Variants in APOB observed in about 807,000 individuals in gnomAD.
APOB encodes the protein apolipoprotein B-100.
APOB carries 153 observed loss-of-function variants against 314.1 expected under a neutral mutation model. That is an observed-to-expected ratio of 0.49 (90% CI 0.43 to 0.56). The LOEUF (loss-of-function observed/expected upper bound fraction) is 0.56, where lower values mean the gene tolerates loss of function less well. Among genes scored for constraint, APOB ranks in the 20% least tolerant of loss-of-function variants. The probability of loss-of-function intolerance (pLI) is 0.00; values close to 1 mark genes in which losing one functional copy is unlikely to be tolerated. For missense variants in APOB, 5,430 were observed against 5,350.7 expected (o/e 1.01, Z -0.46); for synonymous variants, 2,087 against 2,036.4 (o/e 1.02, Z -0.67).
At chr2:21,015,798 G>T (rs1663449197) in intron 21 of APOB, among the ~76,000 whole-genome samples, 1 of 152,170 alleles carries the variant, frequency 6.6e-6, no homozygotes, top group Non-Finnish European at 1.5e-5. Context: ...CTAGCTCTGT[G>T]ATTTTGACCA....
Position 21,029,805 on chromosome 2 carries a change from CAAG to C in APOB, c.1471-23_1471-21del. The stretch of plus-strand genomic sequence containing the variant: ...AATGACCTGCATTGAAGAAAAGAAA[CAAG>C]AACCCATCAGGGTGCAGGAGAGGGA... On this transcript the variant is annotated intron_variant, in intron 11 of 28. Coordinates refer to ENST00000233242, the MANE Select transcript of APOB (RefSeq NM_000384.3). 1 of 1,613,922 alleles carries C rather than the reference CAAG, an allele frequency of 6.2e-7. No homozygotes were observed. Among genetic ancestry groups the C allele is most frequent in the Non-Finnish European group, 8.5e-7 (1 of 1,180,012 alleles).
At chr2:21,042,557 T>G in intron 2 of APOB, 81 bp from the exon 3 acceptor site, 1 of 957,498 alleles carries the variant, frequency 1.0e-6, no homozygotes. Context: ...AGAGGGGCAG[T>G]GGCATAGAGA....
At chr2:21,013,850 A>G (rs1312866585) in intron 24 of APOB, among the ~76,000 whole-genome samples, 1 of 152,136 alleles carries the variant, frequency 6.6e-6, no homozygotes, top group African/African-American at 2.4e-5. Context: ...TGCTTATATA[A>G]TTAATTATTT....
At chr2:21,023,265 A>T (rs12720779) in intron 17 of APOB, among the ~76,000 whole-genome samples, 2,168 of 152,274 alleles carry the variant, frequency 0.014, 24 homozygotes, top group Middle Eastern at 0.1. Flanking sequence ...CGTGAGGCAA[A>T]ACCAGATTAA....
chr2:21,037,271 A>T lies in APOB; in HGVS notation c.538-16T>A. On this transcript the variant is annotated splice_polypyrimidine_tract_variant and intron_variant, in intron 5 of 28. Coordinates refer to ENST00000233242, the MANE Select transcript of APOB (RefSeq NM_000384.3). ...ACACGGTATCCTATGGAGGAAGAAG[A>T]TGCAACCACATGTATTCAACACGGG... The T allele has an allele frequency of 2.5e-6, 4 of 1,613,018 alleles. No homozygotes were observed. The highest frequency in any genetic ancestry group is 1.7e-4 in the Middle Eastern group (1 of 6,050).
chr2:21,006,508 C>T lies in APOB; in HGVS notation c.10360G>A (p.Val3454Ile). ...LNGNTKSKPTVSSSMEFKYDF... is the reference protein window; with the variant it reads ...LNGNTKSKPTISSSMEFKYDF... ...TACTTAAATTCCATGGAGGAAGAGA[C>T]AGTAGGTTTTGACTTGGTATTTCCA... The change falls in exon 26 of 29, where the codon GTC (valine) becomes ATC (isoleucine). Residue 3454 changes from valine (V) to isoleucine (I), a missense_variant. By Grantham distance (29) the Val-to-Ile change is conservative. Around this residue, in one of 3 missense-constraint regions of APOB, gnomAD observed 3,281 missense variants for 3,171.0 expected, o/e 1.03. Coordinates refer to ENST00000233242, the MANE Select transcript of APOB (RefSeq NM_000384.3). 6.2e-7 allele frequency: 1 copy of T among 1,614,100 alleles called. No homozygotes were observed. Among genetic ancestry groups the T allele is most frequent in the Non-Finnish European group, 8.5e-7 (1 of 1,179,970 alleles).
chr2:21,003,388 A>G, intron 28 of APOB, 54 bp from the exon 29 acceptor site: 1 of 1,465,430 alleles, frequency 6.8e-7, no homozygotes, highest in South Asian at 1.2e-5. Context: ...CAATTACACA[A>G]TATAGTACAC....
chr2:21,015,162 T>C lies in APOB; in HGVS notation c.3607A>G (p.Ser1203Gly), dbSNP rs78875649. 6.3e-5 allele frequency: 101 copies of C among 1,614,194 alleles called. No individual in the cohort carries two copies. In the East Asian group the frequency reaches 2.0e-3, roughly 32 times the overall value. ...AGTCTATTAGCATACATATGCAAGC[T>C]CTTAGGATAATCGGAGAGATCCACA... ...FPVDLSDYPK[S>G]LHMYANRLLD... The change falls in exon 23 of 29, where the codon AGC (serine) becomes GGC (glycine). Residue 1203 changes from serine to glycine, a missense_variant. Ser to Gly is a moderately conservative substitution (Grantham distance 56). Around this residue, in one of 3 missense-constraint regions of APOB, gnomAD observed 2,085 missense variants for 2,079.7 expected, o/e 1.00. Transcript: ENST00000233242.
At position 21,005,946 on chromosome 2, in the gene APOB, G is replaced by A; in HGVS notation, c.10922C>T (p.Ser3641Phe). The change falls in exon 26 of 29, where the codon TCT (serine) becomes TTT (phenylalanine). Residue 3641 changes from serine (S) to phenylalanine (F), a missense_variant. Transcript: ENST00000233242. The stretch of plus-strand genomic sequence containing the variant: ...CTCGACCTGGCTCTGGAAAGACCCA[G>A]AATGAATCCGGACTTCATTTTTCCA... ...IRWKNEVRIH[S>F]GSFQSQVELS... is the part of the protein sequence containing the mutation. 2 of 1,613,900 alleles carry A rather than the reference G, an allele frequency of 1.2e-6. No homozygotes were observed. Among genetic ancestry groups the A allele is most frequent in the Non-Finnish European group, 1.7e-6 (2 of 1,179,918 alleles).
chr2:21,028,376 C>T lies in APOB; in HGVS notation c.1780G>A (p.Ala594Thr). Residue 594 changes from alanine (A) to threonine (T), a missense_variant, in exon 13 of 29, where the codon GCT (alanine) becomes ACT (threonine). Coordinates refer to ENST00000233242, the MANE Select transcript of APOB (RefSeq NM_000384.3). ...TTCAAGATATTGGCAATATGGGAAG[C>T]CACAAAGTTCTTCACTTGCTCATTC... Reference protein sequence around the residue: ...EQNEQVKNFVASHIANILNSE... With the variant: ...EQNEQVKNFVTSHIANILNSE... The T allele has an allele frequency of 6.2e-7, 1 of 1,614,130 alleles. No individual in the cohort carries two copies. The highest frequency in any genetic ancestry group is 8.5e-7 in the Non-Finnish European group (1 of 1,180,008).
chr2:21,029,452 G>A (rs1335031211), intron 12 of APOB, among the ~76,000 whole-genome samples, 187 bp downstream of exon 12: 2 of 150,838 alleles, frequency 1.3e-5, no homozygotes, highest in Non-Finnish European at 2.9e-5. Context: ...ATTCCATCTC[G>A]AAAGAAGGAA....
In APOB at chr2:21,016,468, A is replaced by T; in HGVS notation, c.3303T>A (p.Ile1101=). The part of the protein sequence containing the change: ...RLTLDIQNKK[I]TEVALMGHLS... ...GGTGGCCCATGAGGGCGACCTCAGT[A>T]ATTTTCTTGTTCTGAATGTCCAGGG... The change falls in exon 21 of 29, where the codon ATT becomes ATA. Residue 1101 remains isoleucine (I), a synonymous_variant. Transcript: ENST00000233242. 6.2e-7 allele frequency: 1 copy of T among 1,610,718 alleles called. No homozygotes were observed. The highest frequency in any genetic ancestry group is 1.1e-5 in the South Asian group (1 of 91,016).
chr2:21,008,932 A>T lies in APOB; in HGVS notation c.7936T>A (p.Ser2646Thr). 6.2e-7 allele frequency: 1 copy of T among 1,614,106 alleles called. No individual in the cohort carries two copies. The highest frequency in any genetic ancestry group is 8.5e-7 in the Non-Finnish European group (1 of 1,179,954). Residue 2646 changes from serine (S) to threonine (T), a missense_variant, in exon 26 of 29, where the codon TCC (serine) becomes ACC (threonine). Transcript: ENST00000233242. ...LKNIKIPSRF[S>T]TPEFTILNTF... ...TTAAGGATGGTAAATTCTGGTGTGGAAAACCTGGATGGGATTTTTATATTT... is the reference window on the plus strand; with the variant it reads ...TTAAGGATGGTAAATTCTGGTGTGGTAAACCTGGATGGGATTTTTATATTT...
At position 21,007,337 on chromosome 2, in the gene APOB, A is replaced by G. The variant is rs746296340; in HGVS notation, c.9531T>C (p.Tyr3177=). The change falls in exon 26 of 29, where the codon TAT becomes TAC. Residue 3177 remains tyrosine, a synonymous_variant. Coordinates refer to ENST00000233242, the MANE Select transcript of APOB (RefSeq NM_000384.3). Reference sequence around the variant, plus strand: ...TGGAATGCCTGTGTTTGTTTTTCTTATACTGAGCTTTTACACTTAAATCAA... The same window carrying G: ...TGGAATGCCTGTGTTTGTTTTTCTTGTACTGAGCTTTTACACTTAAATCAA... ...QSFDLSVKAQ[Y]KKNKHRHSIT... is the part of the protein sequence containing the mutation. The G allele has an allele frequency of 1.8e-5, 29 of 1,613,908 alleles. No homozygotes were observed. The highest frequency in any genetic ancestry group is 8.5e-7 in the Non-Finnish European group (1 of 1,179,962).
rs768472814 is a variant in APOB, at chr2:21,002,911, C to T, written c.12511G>A (p.Val4171Met). ...GTAACTCGTACCAAGCCATCAAACA[C>T]GTTATCCTTGAGTCCCTGGAAACTG... ...QASFQGLKDN[V>M]FDGLVRVTQE... Residue 4171 changes from valine (V) to methionine (M), a missense_variant, in exon 29 of 29, where the codon GTG (valine) becomes ATG (methionine). Around this residue, in one of 3 missense-constraint regions of APOB, gnomAD observed 3,281 missense variants for 3,171.0 expected, o/e 1.03. Transcript: ENST00000233242. The T allele has an allele frequency of 8.7e-6, 14 of 1,613,712 alleles. No homozygotes were observed. Among genetic ancestry groups the T allele is most frequent in the Admixed American group, 3.3e-5 (2 of 59,986 alleles).
At chr2:21,037,332 G>T (rs12714238) in intron 5 of APOB, 77 bp from the exon 6 acceptor site, 1 of 1,419,098 alleles carries the variant, frequency 7.0e-7, no homozygotes, top group South Asian at 1.2e-5. Flanking sequence ...ATGGGGTGGG[G>T]ATCGTGAAAG....
chr2:21,039,104 A>G (rs1020489400), intron 4 of APOB, among the ~76,000 whole-genome samples: 6 of 152,130 alleles, frequency 3.9e-5, no homozygotes, highest in Admixed American at 1.3e-4. Flanking sequence ...TTTTATTTTC[A>G]TGGGCTAGAG....
Position 21,001,970 on chromosome 2 carries a change from C to T in APOB, c.13452G>A (p.Thr4484=), listed in dbSNP as rs200374122. ...GGTGGTAATCAGAAATTATTTTCTTCGTCGCAATGGCCTGGCTTTTAATTA... is the reference window on the plus strand; with the variant it reads ...GGTGGTAATCAGAAATTATTTTCTTTGTCGCAATGGCCTGGCTTTTAATTA... ...QEIIKSQAIA[T]KKIISDYHQQ... The change falls in exon 29 of 29, where the codon ACG becomes ACA. Residue 4484 remains threonine (T), a synonymous_variant. Coordinates refer to ENST00000233242, the MANE Select transcript of APOB (RefSeq NM_000384.3). The T allele has an allele frequency of 5.8e-5, 93 of 1,613,954 alleles. No homozygotes were observed. Among genetic ancestry groups the T allele is most frequent in the Middle Eastern group, 1.6e-4 (1 of 6,062 alleles).
At chr2:21,036,997 G>A in intron 6 of APOB, 103 bp downstream of exon 6, 1 of 1,451,648 alleles carries the variant, frequency 6.9e-7, no homozygotes, top group Non-Finnish European at 9.5e-7. Flanking sequence ...AAAACAGCCA[G>A]GGCAGGCTGT....
Sources: gnomAD v4.1 joint callset for allele counts (sites outside exome capture counted in the v4.1 genomes callset) on GRCh38, gnomAD v4.1.1 for gene constraint, gnomAD v4.1.1 regional missense constraint, MANE v1.5 for transcripts, NCBI Gene and HGNC (gene_info 2026-07-23, HGNC 2026-07-21) for gene names.